TMTC2: variants seen among roughly 807,000 people sequenced by gnomAD.
TMTC2 encodes transmembrane O-mannosyltransferase targeting cadherins 2.
Under a neutral mutation model 82.4 loss-of-function variants are expected in TMTC2, and 43 were observed. That is an observed-to-expected ratio of 0.52 (90% confidence interval 0.41 to 0.67). The LOEUF (loss-of-function observed/expected upper bound fraction) is 0.67, where lower values mean the gene tolerates loss of function less well. Ranked by LOEUF, TMTC2 falls within the 30% of genes least tolerant of loss-of-function variation. The pLI is 0.00. For synonymous variants in TMTC2, 408 were observed against 381.9 expected, an observed-to-expected ratio of 1.07 and a Z score of -0.80; for missense variants, 919 against 1,012.4, an observed-to-expected ratio of 0.91 and a Z score of 1.25.
At chr12:83,056,029 A>G (rs1001926365) in intron 10 of TMTC2, among the ~76,000 whole-genome samples, 1 of 151,918 alleles carries the variant, frequency 6.6e-6, no homozygotes, top group African/African-American at 2.4e-5. Flanking sequence ...CACCTGACTG[A>G]TGGCTTACAT....
At chr12:82,957,901 C>T (rs1376805039) in intron 4 of TMTC2, among the ~76,000 whole-genome samples, 1 of 151,830 alleles carries the variant, frequency 6.6e-6, no homozygotes, top group Non-Finnish European at 1.5e-5. Context: ...ACTTACCTAC[C>T]AAATAGATCT....
intron 3 of TMTC2, among the ~76,000 whole-genome samples, chr12:82,906,701 A>T (rs1490091670): frequency 2.0e-5 from 3 of 152,202 alleles, no homozygotes; most frequent in Admixed American, 6.5e-5. Context: ...AAAAACAAAC[A>T]AACAAACAAA....
chr12:82,993,967 A>G (rs879586012), intron 8 of TMTC2, among the ~76,000 whole-genome samples: 3 of 147,210 alleles, frequency 2.0e-5, no homozygotes, highest in Non-Finnish European at 2.9e-5. Context: ...ATGCTTGCAG[A>G]CAGGATGCTT....
At chr12:82,760,772 C>A in intron 1 of TMTC2, 1 of 295,682 alleles carries the variant, frequency 3.4e-6, no homozygotes, top group Non-Finnish European at 6.9e-6. Flanking sequence ...TCATAGGGTG[C>A]AAACCCTGCT....
intron 1 of TMTC2, among the ~76,000 whole-genome samples, chr12:82,836,476 T>G (rs770206733): frequency 1.1e-4 from 17 of 152,104 alleles, no homozygotes; most frequent in Non-Finnish European, 2.1e-4. Context: ...TGTAATCAAT[T>G]TCTGGCTTTT....
chr12:82,735,665 A>G (rs552577562), intron 1 of TMTC2, among the ~76,000 whole-genome samples: 2 of 147,454 alleles, frequency 1.4e-5, no homozygotes, highest in East Asian at 4.6e-4. Context: ...TGATTTTTTA[A>G]AGATGTATTC....
At chr12:82,989,290 A>G (rs916216162) in intron 8 of TMTC2, among the ~76,000 whole-genome samples, 1 of 152,082 alleles carries the variant, frequency 6.6e-6, no homozygotes, top group Non-Finnish European at 1.5e-5. Flanking sequence ...GCAGAGAAAG[A>G]ACAAAGGAAG....
intron 1 of TMTC2, among the ~76,000 whole-genome samples, chr12:82,826,594 A>C (rs1869434373): frequency 6.6e-6 from 1 of 152,208 alleles, no homozygotes; most frequent in Non-Finnish European, 1.5e-5. Flanking sequence ...AATTATGTTC[A>C]TAAGTAATTA....
At chr12:82,891,292 T>G (rs1873380877) in intron 2 of TMTC2, among the ~76,000 whole-genome samples, 1 of 152,180 alleles carries the variant, frequency 6.6e-6, no homozygotes, top group African/African-American at 2.4e-5. Context: ...TTTGTTTTTT[T>G]ATCAGAAGCT....
intron 11 of TMTC2, among the ~76,000 whole-genome samples, chr12:83,088,017 A>C (rs1883719431): frequency 6.6e-6 from 1 of 152,212 alleles, no homozygotes; most frequent in African/African-American, 2.4e-5. Flanking sequence ...ATTTACACAG[A>C]AAATTTGTTT....
chr12:82,781,309 A>G (rs2137009204), intron 1 of TMTC2, among the ~76,000 whole-genome samples: 1 of 152,016 alleles, frequency 6.6e-6, no homozygotes, highest in East Asian at 1.9e-4. Flanking sequence ...TTTTATTGCT[A>G]GGAGAATGGA....
intron 1 of TMTC2, among the ~76,000 whole-genome samples, chr12:82,718,817 T>C (rs991028548): frequency 2.4e-5 from 3 of 122,738 alleles, no homozygotes; most frequent in African/African-American, 8.6e-5. Flanking sequence ...CATAGGAAAA[T>C]AGGAAGTTTT....
chr12:83,094,342 A>G (rs183537595), intron 11 of TMTC2, among the ~76,000 whole-genome samples: 94 of 152,292 alleles, frequency 6.2e-4, no homozygotes, highest in Middle Eastern at 3.4e-3. Context: ...TTTTGAAGGA[A>G]GATGTAGACA....
At chr12:83,060,430 A>G (rs1387936283) in intron 10 of TMTC2, among the ~76,000 whole-genome samples, 3 of 151,640 alleles carry the variant, frequency 2.0e-5, no homozygotes, top group African/African-American at 7.3e-5. Flanking sequence ...AAACTTGAAT[A>G]TGTTTTTCTA....
intron 1 of TMTC2, among the ~76,000 whole-genome samples, chr12:82,803,550 T>G (rs1484704925): frequency 6.6e-6 from 1 of 151,968 alleles, no homozygotes. Flanking sequence ...AGCTCAGGAA[T>G]TGGATGAGTA....
chr12:82,699,992 G>A (rs774348750), intron 1 of TMTC2, among the ~76,000 whole-genome samples: 87 of 152,084 alleles, frequency 5.7e-4, no homozygotes, highest in Admixed American at 2.0e-3. Flanking sequence ...ATTAGGTATT[G>A]TAATCTAGAA....
At chr12:83,100,544 G>A (rs1884184059) in intron 11 of TMTC2, among the ~76,000 whole-genome samples, 2 of 151,988 alleles carry the variant, frequency 1.3e-5, no homozygotes, top group Non-Finnish European at 2.9e-5. Flanking sequence ...TTGCCATTTT[G>A]GACATACATA....
intron 1 of TMTC2, among the ~76,000 whole-genome samples, chr12:82,796,075 C>T (rs1300047227): frequency 6.6e-6 from 1 of 152,112 alleles, no homozygotes; most frequent in African/African-American, 2.4e-5. Flanking sequence ...AGATGGCACT[C>T]AGTGTGTGTA....
chr12:83,086,040 C>G (rs1883644525), intron 11 of TMTC2, among the ~76,000 whole-genome samples: 1 of 151,618 alleles, frequency 6.6e-6, no homozygotes, highest in Non-Finnish European at 1.5e-5. Flanking sequence ...AGACCTAAGT[C>G]TTATCAGACA....
Sources: gnomAD v4.1 joint callset for allele counts (sites outside exome capture counted in the v4.1 genomes callset) on GRCh38, gnomAD v4.1.1 for gene constraint, MANE v1.5 for transcripts, NCBI Gene and HGNC (gene_info 2026-07-23, HGNC 2026-07-21) for gene names.